The following TTC29 variants were observed in gnomAD, a reference collection of about 807,000 sequenced individuals.
TTC29 encodes tetratricopeptide repeat domain 29.
Under a neutral mutation model 58.1 loss-of-function variants are expected in TTC29, and 49 were observed. The observed-to-expected ratio is 0.84, with a 90% CI of 0.67 to 1.07. The LOEUF (loss-of-function observed/expected upper bound fraction) is 1.07, where lower values mean the gene tolerates loss of function less well. Among genes scored for constraint, TTC29 ranks in the 50% least tolerant of loss-of-function variants. The probability of loss-of-function intolerance (pLI) is 0.00; values close to 1 mark genes in which losing one functional copy is unlikely to be tolerated. For synonymous variants in TTC29, 209 were observed against 196.8 expected, an observed-to-expected ratio of 1.06 and a Z score of -0.52; for missense variants, 582 against 555.6, an observed-to-expected ratio of 1.05 and a Z score of -0.48.
intron 11 of TTC29, among the ~76,000 whole-genome samples, chr4:146,739,466 G>C (rs898051398): frequency 3.3e-5 from 5 of 152,072 alleles, no homozygotes; most frequent in African/African-American, 1.2e-4. Context: ...TTGTATGCAT[G>C]ATTTTCTTAC....
chr4:146,925,201 TGTAA>T (rs894014415), intron 4 of TTC29, among the ~76,000 whole-genome samples: 5 of 152,100 alleles, frequency 3.3e-5, no homozygotes, highest in Non-Finnish European at 5.9e-5. Context: ...TGGAATATTC[TGTAA>T]GTGTCAATTA....
At chr4:146,824,485 C>T (rs1336498264) in intron 9 of TTC29, among the ~76,000 whole-genome samples, 2 of 152,130 alleles carry the variant, frequency 1.3e-5, no homozygotes, top group African/African-American at 4.8e-5. Flanking sequence ...TTTTAATGTG[C>T]TGCTGGAATC....
intron 8 of TTC29, among the ~76,000 whole-genome samples, chr4:146,835,474 C>A (rs1728446114): frequency 6.6e-6 from 1 of 152,110 alleles, no homozygotes; most frequent in Admixed American, 6.6e-5. Context: ...ATTTACATGA[C>A]ATTCTAGAAG....
intron 4 of TTC29, among the ~76,000 whole-genome samples, chr4:146,920,194 C>CA (rs1386926804): frequency 6.6e-6 from 1 of 151,000 alleles, no homozygotes; most frequent in African/African-American, 2.4e-5. Context: ...ACATAATGTA[C>CA]AAAAGTTGAT....
chr4:146,767,455 A>T (rs1180699811), intron 11 of TTC29, among the ~76,000 whole-genome samples: 1 of 151,972 alleles, frequency 6.6e-6, no homozygotes, highest in Non-Finnish European at 1.5e-5. Flanking sequence ...GGCCTTGTTA[A>T]TGTGTTAGCT....
intron 11 of TTC29, among the ~76,000 whole-genome samples, chr4:146,765,786 T>C (rs1276435356): frequency 6.6e-6 from 1 of 152,168 alleles, no homozygotes; most frequent in Non-Finnish European, 1.5e-5. Flanking sequence ...TTTTAAATGA[T>C]GATGATACTC....
intron 11 of TTC29, among the ~76,000 whole-genome samples, chr4:146,753,151 A>C (rs929189416): frequency 1.8e-4 from 28 of 152,242 alleles, no homozygotes; most frequent in African/African-American, 6.5e-4. Context: ...CAACCTACTC[A>C]TCTGTCAAAG....
intron 6 of TTC29, among the ~76,000 whole-genome samples, chr4:146,888,110 T>C (rs1160038134): frequency 6.6e-6 from 1 of 152,128 alleles, no homozygotes; most frequent in South Asian, 2.1e-4. Context: ...GACAAAGATA[T>C]GAAACTCTTG....
At chr4:146,864,800 A>G (rs950364009) in intron 8 of TTC29, among the ~76,000 whole-genome samples, 1 of 152,082 alleles carries the variant, frequency 6.6e-6, no homozygotes, top group African/African-American at 2.4e-5. Flanking sequence ...TTTTCTTATA[A>G]GAATGTTTGT....
chr4:146,713,016 A>G (rs560192701), intron 11 of TTC29, among the ~76,000 whole-genome samples: 2 of 152,118 alleles, frequency 1.3e-5, no homozygotes, highest in South Asian at 2.1e-4. Flanking sequence ...CTTTGGCTAA[A>G]TACATACGAT....
intron 9 of TTC29, among the ~76,000 whole-genome samples, chr4:146,830,515 C>T (rs1004120120): frequency 3.9e-5 from 6 of 152,172 alleles, no homozygotes; most frequent in African/African-American, 1.4e-4. Flanking sequence ...CTATCCTCTT[C>T]CATTTCCTTT....
At chr4:146,903,433 G>A in intron 6 of TTC29, 111 bp downstream of exon 6, 2 of 974,208 alleles carry the variant, frequency 2.1e-6, no homozygotes, top group Non-Finnish European at 3.0e-6. Context: ...TAATATACAT[G>A]ATTATGCTGA....
chr4:146,752,025 C>A (rs538449124), intron 11 of TTC29, among the ~76,000 whole-genome samples: 2 of 151,976 alleles, frequency 1.3e-5, no homozygotes, highest in Non-Finnish European at 2.9e-5. Context: ...GATGCCCTCT[C>A]TCACCACTGC....
At chr4:146,840,811 T>G (rs1441080668) in intron 8 of TTC29, among the ~76,000 whole-genome samples, 1 of 152,124 alleles carries the variant, frequency 6.6e-6, no homozygotes, top group Non-Finnish European at 1.5e-5. Context: ...CTATCTGTAT[T>G]TTAAAGGAAT....
At chr4:146,829,257 C>T (rs913040073) in intron 9 of TTC29, among the ~76,000 whole-genome samples, 1 of 152,206 alleles carries the variant, frequency 6.6e-6, no homozygotes, top group Non-Finnish European at 1.5e-5. Flanking sequence ...ACCGTTAACA[C>T]CCACGTCCCT....
intron 10 of TTC29, among the ~76,000 whole-genome samples, chr4:146,811,064 A>G (rs1425945657): frequency 6.6e-6 from 1 of 152,154 alleles, no homozygotes; most frequent in Non-Finnish European, 1.5e-5. Context: ...ACTAGCACCA[A>G]TCAAATGATC....
intron 10 of TTC29, among the ~76,000 whole-genome samples, chr4:146,806,145 G>A (rs1454875523): frequency 6.6e-6 from 1 of 152,164 alleles, no homozygotes; most frequent in Non-Finnish European, 1.5e-5. Context: ...AGCTTCATAA[G>A]CTAAGGAGAA....
intron 8 of TTC29, among the ~76,000 whole-genome samples, chr4:146,845,488 T>C (rs1235436031): frequency 2.6e-5 from 4 of 152,204 alleles, no homozygotes; most frequent in Non-Finnish European, 5.9e-5. Context: ...AATTTCATTA[T>C]ACCTATGATA....
At position 146,734,880 on chromosome 4, in the gene TTC29, T is replaced by C. The variant is rs371119281; in HGVS notation, c.1331-27329A>G. 2.3e-4 allele frequency among the ~76,000 whole-genome samples: 35 copies of C among 152,046 alleles called. No individual in the cohort carries two copies. In the East Asian group the frequency reaches 4.3e-3, roughly 19 times the overall value. ...TAAAAGGGTGGGGGTTGAGGAATAT[T>C]TGATTCCTCGGTGGCCACGTGGTCA... On this transcript the variant is annotated intron_variant, in intron 11 of 12. Transcript: ENST00000325106.
Sources: gnomAD v4.1 joint callset for allele counts (sites outside exome capture counted in the v4.1 genomes callset) on GRCh38, gnomAD v4.1.1 for gene constraint, MANE v1.5 for transcripts, NCBI Gene and HGNC (gene_info 2026-07-23, HGNC 2026-07-21) for gene names.